Variants in OLFM3 observed in about 807,000 individuals in gnomAD.
OLFM3 encodes olfactomedin 3, also known as noelin-3.
A neutral mutation model predicts 48.6 loss-of-function variants in OLFM3; 20 were observed. The observed-to-expected ratio is 0.41, with a 90% confidence interval of 0.29 to 0.60. The LOEUF (loss-of-function observed/expected upper bound fraction) is 0.60, where lower values mean the gene tolerates loss of function less well. Ranked by LOEUF, OLFM3 falls within the 20% of genes least tolerant of loss-of-function variation. OLFM3 has a pLI of 0.28. For synonymous variants in OLFM3, 222 were observed against 198.1 expected, an observed-to-expected ratio of 1.12 and a Z score of -1.01; for missense variants, 437 against 544.3, an observed-to-expected ratio of 0.80 and a Z score of 1.96.
chr1:101,949,580 T>A (rs1660058169), intron 1 of OLFM3, among the ~76,000 whole-genome samples: 1 of 152,072 alleles, frequency 6.6e-6, no homozygotes, highest in African/African-American at 2.4e-5. Flanking sequence ...GTCTCCAGAG[T>A]AGCAAGAGTG....
chr1:101,847,259 A>T (rs896442003), intron 1 of OLFM3, among the ~76,000 whole-genome samples: 1 of 152,154 alleles, frequency 6.6e-6, no homozygotes, highest in African/African-American at 2.4e-5. Context: ...AGGGAGGCGG[A>T]AACTTGAGCT....
intron 1 of OLFM3, among the ~76,000 whole-genome samples, chr1:101,926,853 C>T (rs1659286579): frequency 6.6e-6 from 1 of 152,098 alleles, no homozygotes. Context: ...AGTTTTCTAA[C>T]ACTGGATTTT....
chr1:101,955,441 G>C (rs1446691888), intron 1 of OLFM3, among the ~76,000 whole-genome samples: 1 of 151,814 alleles, frequency 6.6e-6, no homozygotes, highest in East Asian at 1.9e-4. Context: ...CAAAACTTTA[G>C]CGTTTTAAAC....
intron 1 of OLFM3, 66 bp from the exon 2 acceptor site, chr1:101,837,091 G>A: frequency 6.8e-7 from 1 of 1,473,252 alleles, no homozygotes; most frequent in South Asian, 1.3e-5. Flanking sequence ...GTGTTGGTTT[G>A]TAGCATTTCA....
At chr1:101,924,258 G>A (rs973715339) in intron 1 of OLFM3, among the ~76,000 whole-genome samples, 1 of 152,110 alleles carries the variant, frequency 6.6e-6, no homozygotes, top group African/African-American at 2.4e-5. Flanking sequence ...TGCCACTGTG[G>A]CCTTTTCAGT....
In OLFM3 at chr1:101,813,063, G is replaced by A. The variant is rs748383023; in HGVS notation, c.593-6881C>T. ...AAAGGTGAACAGGGAGGCAAGTCGC[G>A]TGTTATAGCTTCCCAAAATACTATT... On this transcript the variant is annotated intron_variant, in intron 4 of 5. Transcript: ENST00000370103. The A allele has an allele frequency of 1.6e-5, 20 of 1,270,310 alleles. No homozygotes were observed. The East Asian group carries it at 2.2e-4, about 14-fold the overall frequency. The allele number at this position is 1,270,310 out of a possible 1,614,324, so 78.7% of individuals were successfully genotyped here.
At chr1:101,883,255 G>T (rs545743169) in intron 1 of OLFM3, among the ~76,000 whole-genome samples, 12 of 150,378 alleles carry the variant, frequency 8.0e-5, no homozygotes, top group Non-Finnish European at 1.6e-4. Context: ...GATCAAACCT[G>T]AATATTTGTC....
intron 1 of OLFM3, among the ~76,000 whole-genome samples, chr1:101,983,514 G>C (rs930333991): frequency 6.6e-6 from 1 of 152,174 alleles, no homozygotes; most frequent in Non-Finnish European, 1.5e-5. Flanking sequence ...GGTAGAAACT[G>C]TATCTTTATA....
intron 1 of OLFM3, among the ~76,000 whole-genome samples, chr1:101,890,640 C>T (rs561833903): frequency 6.6e-6 from 1 of 150,900 alleles, no homozygotes; most frequent in Admixed American, 6.6e-5. Context: ...TTTCTGATAT[C>T]TGCATAAAAT....
rs556722291 is a variant in OLFM3, at chr1:101,942,068, G to C, written c.69+54680C>G. 2.7e-4 allele frequency among the ~76,000 whole-genome samples: 41 copies of C among 152,260 alleles called. 2 individuals are homozygous for C. The South Asian group carries it at 6.2e-3, about 23-fold the overall frequency. On this transcript the variant is annotated intron_variant, in intron 1 of 5. Coordinates refer to ENST00000370103, the MANE Select transcript of OLFM3 (RefSeq NM_058170.4). ...TAGGACGAAGGGATTTTGAACTTAA[G>C]TATTTGGATTCTAATTACAACTGTC...
At chr1:101,883,712 C>T (rs568533944) in intron 1 of OLFM3, among the ~76,000 whole-genome samples, 1 of 152,040 alleles carries the variant, frequency 6.6e-6, no homozygotes, top group African/African-American at 2.4e-5. Flanking sequence ...AAGTGACACG[C>T]AATTAACAAT....
intron 1 of OLFM3, among the ~76,000 whole-genome samples, chr1:101,902,640 A>G (rs914031389): frequency 6.6e-6 from 1 of 152,094 alleles, no homozygotes; most frequent in Non-Finnish European, 1.5e-5. Context: ...TCTGTAAATA[A>G]TTGATATGTT....
chr1:101,805,002 TATTATA>T, intron 5 of OLFM3, 87 bp from the exon 6 acceptor site: 2 of 1,033,536 alleles, frequency 1.9e-6, no homozygotes, highest in African/African-American at 1.6e-5. Context: ...AGTCAACACT[TATTATA>T]ATTCTCAGGC....
chr1:101,889,319 T>C (rs757078859), intron 1 of OLFM3, among the ~76,000 whole-genome samples: 2 of 151,980 alleles, frequency 1.3e-5, no homozygotes, highest in Non-Finnish European at 1.5e-5. Flanking sequence ...ATACTATGCA[T>C]CCATAAAAAA....
At chr1:101,876,347 G>A (rs1657299800) in intron 1 of OLFM3, among the ~76,000 whole-genome samples, 1 of 151,898 alleles carries the variant, frequency 6.6e-6, no homozygotes, top group African/African-American at 2.4e-5. Context: ...CCTCCATACG[G>A]CAAGTCCAAA....
At chr1:101,913,524 A>G (rs766584340) in intron 1 of OLFM3, among the ~76,000 whole-genome samples, 1 of 152,184 alleles carries the variant, frequency 6.6e-6, no homozygotes, top group Non-Finnish European at 1.5e-5. Context: ...GATATAGACT[A>G]CTACTCAAAG....
intron 1 of OLFM3, among the ~76,000 whole-genome samples, chr1:101,932,417 C>T (rs992256967): frequency 5.3e-5 from 8 of 152,078 alleles, no homozygotes; most frequent in Admixed American, 3.3e-4. Context: ...AGCAGATCTT[C>T]GGAGGAAAGG....
chr1:101,918,706 G>T (rs1435877354), intron 1 of OLFM3, among the ~76,000 whole-genome samples: 1 of 151,942 alleles, frequency 6.6e-6, no homozygotes, highest in African/African-American at 2.4e-5. Context: ...ATATTCACGG[G>T]TTCTGGGGAT....
At chr1:101,808,164 A>T (rs1295040515) in intron 4 of OLFM3, among the ~76,000 whole-genome samples, 1 of 151,738 alleles carries the variant, frequency 6.6e-6, no homozygotes, top group East Asian at 1.9e-4. Flanking sequence ...AGCATGGAAA[A>T]GTAATTCTGA....
Sources: gnomAD v4.1 joint callset for allele counts (sites outside exome capture counted in the v4.1 genomes callset) on GRCh38, gnomAD v4.1.1 for gene constraint, MANE v1.5 for transcripts, NCBI Gene and HGNC (gene_info 2026-07-23, HGNC 2026-07-21) for gene names.